Variants in LRRC1 observed in about 807,000 individuals in gnomAD.
LRRC1 encodes leucine rich repeat containing 1.
In LRRC1, 28 loss-of-function variants were observed where a neutral mutation model predicts 69.9. The ratio of observed to expected loss-of-function variants is 0.40; its 90% confidence interval spans 0.30 to 0.55. The LOEUF (loss-of-function observed/expected upper bound fraction) is 0.55, where lower values mean the gene tolerates loss of function less well. Among genes scored for constraint, LRRC1 ranks in the 20% least tolerant of loss-of-function variants. LRRC1 has a pLI of 0.47. For missense variants in LRRC1, 498 were observed against 609.0 expected, an observed-to-expected ratio of 0.82 and a Z score of 1.92; for synonymous variants, 236 against 240.2, an observed-to-expected ratio of 0.98 and a Z score of 0.16.
At position 53,817,858 on chromosome 6, in the gene LRRC1, A is replaced by C. The variant is rs967028431; in HGVS notation, c.159+22443A>C. Among the ~76,000 whole-genome samples the C allele has an allele frequency of 1.4e-4, 21 of 152,226 alleles. 1 individual carries two copies. Among genetic ancestry groups the C allele is most frequent in the Non-Finnish European group, 7.3e-5 (5 of 68,034 alleles). On this transcript the variant is annotated intron_variant, in intron 1 of 13. Coordinates refer to ENST00000370888, the MANE Select transcript of LRRC1 (RefSeq NM_018214.5). ...ACTACAGTAATGTAGGTACTAAAAA[A>C]AAATGATCAAGCTACATCCTATGCA...
chr6:53,914,035 G>T, intron 11 of LRRC1, 66 bp downstream of exon 11: 1 of 1,103,096 alleles, frequency 9.1e-7, no homozygotes, highest in Non-Finnish European at 1.4e-6. Flanking sequence ...TCTTGGCAGT[G>T]CATCTTCAAA....
chr6:53,879,393 C>T (rs1767187461), intron 3 of LRRC1, among the ~76,000 whole-genome samples: 1 of 152,190 alleles, frequency 6.6e-6, no homozygotes, highest in African/African-American at 2.4e-5. Context: ...TCAAGTGATT[C>T]TCCTGCCTCA....
intron 2 of LRRC1, among the ~76,000 whole-genome samples, chr6:53,854,240 T>C (rs1189015685): frequency 6.6e-6 from 1 of 152,222 alleles, no homozygotes; most frequent in Non-Finnish European, 1.5e-5. Flanking sequence ...GCAGGTTTCC[T>C]TGTTTTAACT....
intron 1 of LRRC1, among the ~76,000 whole-genome samples, chr6:53,805,628 G>T (rs1041261470): frequency 6.6e-6 from 1 of 152,184 alleles, no homozygotes; most frequent in Non-Finnish European, 1.5e-5. Flanking sequence ...TCTGTAAAAA[G>T]AAGGTAATAA....
At chr6:53,822,895 A>T (rs1581854028) in intron 1 of LRRC1, among the ~76,000 whole-genome samples, 1 of 152,222 alleles carries the variant, frequency 6.6e-6, no homozygotes, top group East Asian at 1.9e-4. Flanking sequence ...GGCTGAGTCC[A>T]GTTAAGGTGT....
chr6:53,874,383 AAC>A (rs1766997895), intron 2 of LRRC1, among the ~76,000 whole-genome samples: 1 of 151,900 alleles, frequency 6.6e-6, no homozygotes, highest in African/African-American at 2.4e-5. Flanking sequence ...ATTAGTGAAA[AAC>A]AAACACTATG....
chr6:53,807,978 A>G (rs1764683370), intron 1 of LRRC1, among the ~76,000 whole-genome samples: 1 of 152,234 alleles, frequency 6.6e-6, no homozygotes, highest in South Asian at 2.1e-4. Flanking sequence ...AGCCCTTGGC[A>G]TGGGCAGTAG....
chr6:53,840,712 A>T (rs1277953274), intron 1 of LRRC1, among the ~76,000 whole-genome samples: 1 of 151,774 alleles, frequency 6.6e-6, no homozygotes, highest in Non-Finnish European at 1.5e-5. Flanking sequence ...CAATGCTACA[A>T]TATTTTTCAC....
At chr6:53,880,683 A>C (rs1433839881) in intron 3 of LRRC1, among the ~76,000 whole-genome samples, 1 of 152,140 alleles carries the variant, frequency 6.6e-6, no homozygotes, top group Admixed American at 6.5e-5. Context: ...GGCTCCCGTA[A>C]TGCTCTCTGT....
Position 53,795,264 on chromosome 6 carries a change from A to G in LRRC1, c.8A>G (p.His3Arg). ...GCGGCGGCGGGGGCGGCGATGTTCC[A>G]CTGCATCCCCCTGTGGCGGTGCAAC... MF[H>R]CIPLWRCNRH... Residue 3 changes from histidine to arginine, a missense_variant, in exon 1 of 14, where the codon CAC (histidine) becomes CGC (arginine). By Grantham distance (29) the His-to-Arg change is conservative. Coordinates refer to ENST00000370888, the MANE Select transcript of LRRC1 (RefSeq NM_018214.5). 6.2e-7 allele frequency: 1 copy of G among 1,608,388 alleles called. No homozygotes were observed. The highest frequency in any genetic ancestry group is 1.3e-5 in the African/African-American group (1 of 74,910).
chr6:53,919,052 C>G (rs528558994), intron 11 of LRRC1: 1 of 152,614 alleles, frequency 6.6e-6, no homozygotes, highest in Non-Finnish European at 1.5e-5. Context: ...CCTGATTCAT[C>G]AGGTGCTCCT....
At chr6:53,881,233 A>G (rs1471709818) in intron 3 of LRRC1, among the ~76,000 whole-genome samples, 1 of 152,214 alleles carries the variant, frequency 6.6e-6, no homozygotes, top group African/African-American at 2.4e-5. Context: ...TGGCTAAAGA[A>G]ACTGAGGCAC....
At chr6:53,853,392 C>G (rs1766205459) in intron 2 of LRRC1, among the ~76,000 whole-genome samples, 1 of 149,858 alleles carries the variant, frequency 6.7e-6, no homozygotes, top group East Asian at 2.0e-4. Context: ...TCAAGTGATT[C>G]TCCTGCCTCA....
chr6:53,805,920 C>T (rs78747244), intron 1 of LRRC1, among the ~76,000 whole-genome samples: 185 of 152,348 alleles, frequency 1.2e-3, no homozygotes, highest in South Asian at 4.3e-3. Flanking sequence ...TGCCATGCTC[C>T]GCCTACCCCC....
intron 1 of LRRC1, among the ~76,000 whole-genome samples, chr6:53,829,147 C>T (rs1286788527): frequency 6.6e-6 from 1 of 152,220 alleles, no homozygotes; most frequent in East Asian, 1.9e-4. Context: ...TTGCCTTGCT[C>T]TTTATAGTAG....
In LRRC1 at chr6:53,873,597, C is replaced by G. The variant is rs532310525; in HGVS notation, c.278-5396C>G. 7.2e-4 allele frequency among the ~76,000 whole-genome samples: 109 copies of G among 152,186 alleles called. 2 individuals are homozygous for G. In the South Asian group the frequency reaches 0.014, roughly 19 times the overall value. On this transcript the variant is annotated intron_variant, in intron 2 of 13. Coordinates refer to ENST00000370888, the MANE Select transcript of LRRC1 (RefSeq NM_018214.5). ...CACAGGCGCGAGCCACCATGCCCGG[C>G]CGGGAAATGCTACTGATTTTTCTAT...
intron 8 of LRRC1, among the ~76,000 whole-genome samples, chr6:53,901,506 G>A (rs995450999): frequency 1.1e-4 from 16 of 151,966 alleles, no homozygotes; most frequent in African/African-American, 2.7e-4. Context: ...TGATTGTACC[G>A]GGGTACTCCA....
At chr6:53,836,872 A>G (rs1003989205) in intron 1 of LRRC1, among the ~76,000 whole-genome samples, 3 of 152,190 alleles carry the variant, frequency 2.0e-5, no homozygotes, top group Admixed American at 1.3e-4. Flanking sequence ...ACCTGATTTT[A>G]TAGGAATCAC....
At chr6:53,866,326 C>G (rs1009161713) in intron 2 of LRRC1, among the ~76,000 whole-genome samples, 1 of 152,112 alleles carries the variant, frequency 6.6e-6, no homozygotes, top group African/African-American at 2.4e-5. Context: ...AACAGAAGCC[C>G]AAAGTGGTTG....
Sources: gnomAD v4.1 joint callset for allele counts (sites outside exome capture counted in the v4.1 genomes callset) on GRCh38, gnomAD v4.1.1 for gene constraint, MANE v1.5 for transcripts, NCBI Gene and HGNC (gene_info 2026-07-23, HGNC 2026-07-21) for gene names.